ITGA6: variants seen among roughly 807,000 people sequenced by gnomAD.
ITGA6 encodes the protein integrin subunit alpha 6, also known as integrin alpha-6.
ITGA6 carries 63 observed loss-of-function variants against 133.6 expected under a neutral mutation model. The ratio of observed to expected loss-of-function variants is 0.47; its 90% CI spans 0.38 to 0.58. The LOEUF is 0.58. ITGA6 is among the 20% of genes least tolerant of loss of function. The pLI, the probability that ITGA6 is intolerant of heterozygous loss-of-function variation, is 0.00. For missense variants in ITGA6, 1,068 were observed against 1,309.4 expected, an observed-to-expected ratio of 0.82 and a Z score of 2.85; for synonymous variants, 434 against 482.0, an observed-to-expected ratio of 0.90 and a Z score of 1.30.
At chr2:172,483,516 A>AAGGG (rs1474430089) in intron 11 of ITGA6, among the ~76,000 whole-genome samples, 1 of 152,076 alleles carries the variant, frequency 6.6e-6, no homozygotes. Flanking sequence ...TTCCCTTTTG[A>AAGGG]TGGTTAGTGA....
intron 1 of ITGA6, among the ~76,000 whole-genome samples, chr2:172,458,456 T>TAA (rs201386644): frequency 6.6e-6 from 1 of 151,660 alleles, no homozygotes; most frequent in East Asian, 1.9e-4. Context: ...ACACTAGAAA[T>TAA]AAAAAAAATG....
chr2:172,463,095 C>T (rs74461567), intron 1 of ITGA6, among the ~76,000 whole-genome samples: 8,123 of 152,262 alleles, frequency 0.053, 369 homozygotes, highest in East Asian at 0.25. Flanking sequence ...GACCTGTTCA[C>T]GGATCAGGCT....
At chr2:172,482,166 C>T (rs947459901) in intron 11 of ITGA6, among the ~76,000 whole-genome samples, 1 of 152,152 alleles carries the variant, frequency 6.6e-6, no homozygotes, top group African/African-American at 2.4e-5. Flanking sequence ...GCATTTGATG[C>T]CATGTGTATT....
chr2:172,479,753 T>C lies in ITGA6; in HGVS notation c.1487+14T>C. On this transcript the variant is annotated intron_variant, in intron 10 of 25. Coordinates refer to ENST00000684293, the MANE Select transcript of ITGA6 (RefSeq NM_000210.4). Reference sequence around the variant, plus strand: ...TAGTGGGATATGGTGAGCATCCCTCTGTCTTGGTGGGATCCCCCTCAGTTT... The same window carrying C: ...TAGTGGGATATGGTGAGCATCCCTCCGTCTTGGTGGGATCCCCCTCAGTTT... 5 of 1,604,908 alleles carry C rather than the reference T, an allele frequency of 3.1e-6. No individual in the cohort carries two copies. The highest frequency in any genetic ancestry group is 4.3e-6 in the Non-Finnish European group (5 of 1,171,764).
chr2:172,430,964 A>G lies in ITGA6; in HGVS notation c.182+2994A>G, dbSNP rs1684082399. 3.3e-5 allele frequency among the ~76,000 whole-genome samples: 5 copies of G among 152,144 alleles called. No homozygotes were observed. The South Asian group carries it at 1.0e-3, about 31-fold the overall frequency. ...TCTTAGCTCTTCTGGGAAGAGATGG[A>G]TCTATATATGATCACAGGGAAGAAC... is the stretch of plus-strand genomic sequence containing the variant. On this transcript the variant is annotated intron_variant, in intron 1 of 25. Coordinates refer to ENST00000684293, the MANE Select transcript of ITGA6 (RefSeq NM_000210.4).
chr2:172,472,772 A>G, intron 5 of ITGA6: 1 of 1,595,072 alleles, frequency 6.3e-7, no homozygotes, highest in Non-Finnish European at 8.6e-7. Context: ...GCATGCGTAC[A>G]GGCCTGCTGT....
In ITGA6 at chr2:172,485,118, C is replaced by T. The variant is rs1686608105; in HGVS notation, c.1711-3C>T. 1.2e-6 allele frequency: 2 copies of T among 1,613,854 alleles called. No homozygotes were observed. The highest frequency in any genetic ancestry group is 8.5e-7 in the Non-Finnish European group (1 of 1,179,738). ...TAACTCTGACTGCATGCTTTTCATGCAGGATAATATCAGAGATAAACTGCG... is the reference window on the plus strand; with the variant it reads ...TAACTCTGACTGCATGCTTTTCATGTAGGATAATATCAGAGATAAACTGCG... On this transcript the variant is annotated splice_polypyrimidine_tract_variant and splice_region_variant and intron_variant, in intron 12 of 25. Transcript: ENST00000684293.
chr2:172,445,519 G>C (rs1034263664), intron 1 of ITGA6, among the ~76,000 whole-genome samples: 2 of 151,350 alleles, frequency 1.3e-5, no homozygotes. Context: ...CATGGTGGTG[G>C]GCGCCTGTAG....
chr2:172,484,785 T>C lies in ITGA6; in HGVS notation c.1553T>C (p.Ile518Thr). 1 of 1,613,812 alleles carries C rather than the reference T, an allele frequency of 6.2e-7. No homozygotes were observed. Among genetic ancestry groups the C allele is most frequent in the Non-Finnish European group, 8.5e-7 (1 of 1,179,694 alleles). The change falls in exon 12 of 26, where the codon ATT becomes ACT. Residue 518 changes from isoleucine to threonine, a missense_variant. Ile to Thr is a moderately conservative substitution (Grantham distance 89). Coordinates refer to ENST00000684293, the MANE Select transcript of ITGA6 (RefSeq NM_000210.4). ...ATATGATTTTAATTTTATCTAGCAATTGTGGGCACACTTGAAGCTGAAAAA... is the reference window on the plus strand; with the variant it reads ...ATATGATTTTAATTTTATCTAGCAACTGTGGGCACACTTGAAGCTGAAAAA... ...NPAGYNPSIS[I>T]VGTLEAEKER... is the part of the protein sequence containing the mutation.
At chr2:172,441,113 T>C (rs1338348152) in intron 1 of ITGA6, among the ~76,000 whole-genome samples, 1 of 152,206 alleles carries the variant, frequency 6.6e-6, no homozygotes, top group Non-Finnish European at 1.5e-5. Context: ...TCTAGATTCT[T>C]GAGTTGGTAA....
intron 1 of ITGA6, among the ~76,000 whole-genome samples, chr2:172,460,516 T>G (rs12613307): frequency 0.059 from 9,040 of 152,266 alleles, 388 homozygotes; most frequent in East Asian, 0.25. Context: ...CCAACAGTTA[T>G]TGCCTAAAGC....
Position 172,497,894 on chromosome 2 carries a change from A to C in ITGA6, c.2989-81A>C, listed in dbSNP as rs539671597. 81 of 1,501,326 alleles carry C rather than the reference A, an allele frequency of 5.4e-5. 1 individual carries two copies. The Middle Eastern group carries it at 1.0e-3, about 19-fold the overall frequency. 93.0% of individuals were successfully genotyped at this position (1,501,326 alleles called of 1,614,324 possible). ...GCTGCATTGTCCAAAATATATTCAA[A>C]AGCAGAATTAGAACCATAAACTCCT... On this transcript the variant is annotated intron_variant, in intron 23 of 25. Transcript: ENST00000684293.
At chr2:172,457,074 A>C (rs1293024749) in intron 1 of ITGA6, among the ~76,000 whole-genome samples, 1 of 152,158 alleles carries the variant, frequency 6.6e-6, no homozygotes, top group East Asian at 1.9e-4. Flanking sequence ...TGGGGAGATC[A>C]CTTGAGGTCA....
chr2:172,486,522 G>C (rs879603042), intron 13 of ITGA6, among the ~76,000 whole-genome samples: 1 of 152,048 alleles, frequency 6.6e-6, no homozygotes, highest in Non-Finnish European at 1.5e-5. Context: ...TCTCTGTTTC[G>C]TCATCTCTAC....
intron 5 of ITGA6, among the ~76,000 whole-genome samples, chr2:172,471,960 G>A (rs1685959611): frequency 6.6e-6 from 1 of 150,986 alleles, no homozygotes; most frequent in Admixed American, 6.6e-5. Context: ...AGAATGGAAA[G>A]TAAAAAACGA....
At chr2:172,499,167 A>AT (rs897028025) in intron 24 of ITGA6, among the ~76,000 whole-genome samples, 4 of 151,742 alleles carry the variant, frequency 2.6e-5, no homozygotes, top group Admixed American at 6.6e-5. Flanking sequence ...TTTTTGCTTT[A>AT]TTTTTTTTGA....
chr2:172,501,012 TAA>T (rs1381443460), intron 24 of ITGA6, among the ~76,000 whole-genome samples: 1 of 152,208 alleles, frequency 6.6e-6, no homozygotes, highest in African/African-American at 2.4e-5. Flanking sequence ...TTAAATTTTA[TAA>T]AAGACAGTTC....
rs1559151408 is a variant in ITGA6 at position 172,489,650 on chromosome 2, A to G, written c.2671A>G (p.Asn891Asp). 6.2e-7 allele frequency: 1 copy of G among 1,613,570 alleles called. No individual in the cohort carries two copies. Among genetic ancestry groups the G allele is most frequent in the South Asian group, 1.1e-5 (1 of 91,074 alleles). ...GCCACAAAAGGAGATAAACTCCCTG[A>G]ACCTAACGGTATGTCGGTAGATTTA... ...CEPQKEINSLNLTESHNSRKK... is the reference protein window; with the variant it reads ...CEPQKEINSLDLTESHNSRKK... The change falls in exon 20 of 26, where the codon AAC becomes GAC. Residue 891 changes from asparagine (N) to aspartate (D), a missense_variant. Asn to Asp is a conservative substitution (Grantham distance 23). This residue lies in a region of ITGA6 where 609 missense variants were observed against 707.2 expected (regional missense o/e 0.86). Coordinates refer to ENST00000684293, the MANE Select transcript of ITGA6 (RefSeq NM_000210.4).
intron 1 of ITGA6, among the ~76,000 whole-genome samples, chr2:172,456,787 A>T (rs1482118282): frequency 6.6e-6 from 1 of 152,180 alleles, no homozygotes; most frequent in African/African-American, 2.4e-5. Context: ...TCCAAATACA[A>T]AGCAATATTT....
Sources: gnomAD v4.1 joint callset for allele counts (sites outside exome capture counted in the v4.1 genomes callset) on GRCh38, gnomAD v4.1.1 for gene constraint, gnomAD v4.1.1 regional missense constraint, MANE v1.5 for transcripts, NCBI Gene and HGNC (gene_info 2026-07-23, HGNC 2026-07-21) for gene names.